RCBTB2: variants seen among roughly 807,000 people sequenced by gnomAD.
RCBTB2 encodes RCC1 and BTB domain-containing protein 2.
Under a neutral mutation model 65.4 loss-of-function variants are expected in RCBTB2, and 55 were observed. That is an observed-to-expected ratio of 0.84 (90% CI 0.68 to 1.05). The LOEUF is 1.05. RCBTB2 is among the 50% of genes least tolerant of loss of function. The probability of loss-of-function intolerance (pLI) is 0.00; values close to 1 mark genes in which losing one functional copy is unlikely to be tolerated. For missense variants in RCBTB2, 599 were observed against 680.1 expected (o/e 0.88, Z 1.33); for synonymous variants, 220 against 255.2 (o/e 0.86, Z 1.31).
At chr13:48,502,642 A>G (rs1016847774) in intron 11 of RCBTB2, 82 bp downstream of exon 11, 230 of 1,381,412 alleles carry the variant, frequency 1.7e-4, no homozygotes, top group Non-Finnish European at 2.2e-4. Flanking sequence ...TGCACCTAAC[A>G]AAATCCTCAT....
intron 1 of RCBTB2, among the ~76,000 whole-genome samples, chr13:48,529,136 A>G (rs1047249372): frequency 6.6e-6 from 1 of 152,200 alleles, no homozygotes; most frequent in Non-Finnish European, 1.5e-5. Flanking sequence ...AAAATAACCA[A>G]CATAAATGAT....
At chr13:48,498,003 T>C (rs1950053241) in intron 13 of RCBTB2, among the ~76,000 whole-genome samples, 1 of 152,248 alleles carries the variant, frequency 6.6e-6, no homozygotes, top group Admixed American at 6.5e-5. Flanking sequence ...GACCACACTT[T>C]GGGTACCTGG....
At chr13:48,531,530 G>A (rs1198727287) in intron 1 of RCBTB2, among the ~76,000 whole-genome samples, 1 of 152,192 alleles carries the variant, frequency 6.6e-6, no homozygotes, top group Non-Finnish European at 1.5e-5. Flanking sequence ...GCAGATTTGC[G>A]AAGAGTGGGA....
At chr13:48,507,344 C>T (rs1437872314) in intron 10 of RCBTB2, among the ~76,000 whole-genome samples, 1 of 152,226 alleles carries the variant, frequency 6.6e-6, no homozygotes, top group Admixed American at 6.5e-5. Context: ...TGGACTCACA[C>T]CAAGCAGCAA....
chr13:48,515,557 A>T, intron 5 of RCBTB2, 29 bp downstream of exon 5: 3 of 1,561,302 alleles, frequency 1.9e-6, no homozygotes, highest in African/African-American at 2.7e-5. Flanking sequence ...TAAAAATGTG[A>T]GTAGCTGATT....
Position 48,511,882 on chromosome 13 carries a change from G to A in RCBTB2, c.676-5C>T, listed in dbSNP as rs1164244360. The A allele has an allele frequency of 6.2e-7, 1 of 1,614,062 alleles. No individual in the cohort carries two copies. Among genetic ancestry groups the A allele is most frequent in the South Asian group, 1.1e-5 (1 of 91,066 alleles). On this transcript the variant is annotated splice_region_variant and splice_polypyrimidine_tract_variant and intron_variant, in intron 8 of 14. Transcript: ENST00000344532. The stretch of plus-strand genomic sequence containing the variant: ...GTTGTAACCCCAGACATAGACCTGA[G>A]AGAAAATGAGACCCTCAATCCTCTC...
At chr13:48,499,168 TCA>T (rs897430573) in intron 13 of RCBTB2, among the ~76,000 whole-genome samples, 33 of 138,002 alleles carry the variant, frequency 2.4e-4, no homozygotes, top group African/African-American at 7.5e-4. Flanking sequence ...TCTCTCTCTC[TCA>T]CACACACACA....
intron 10 of RCBTB2, 84 bp downstream of exon 10, chr13:48,510,544 TC>T: frequency 7.1e-7 from 1 of 1,406,200 alleles, no homozygotes; most frequent in South Asian, 1.3e-5. Flanking sequence ...AGCAGTACAT[TC>T]CCCACCATTC....
intron 2 of RCBTB2, 27 bp from the exon 3 acceptor site, chr13:48,522,430 G>A: frequency 2.0e-6 from 2 of 979,930 alleles, no homozygotes; most frequent in Non-Finnish European, 1.5e-6. Flanking sequence ...AGAAATGAAT[G>A]AAAATGATGA....
At chr13:48,499,142 A>ACACACACACTCT (rs1366425462) in intron 13 of RCBTB2, among the ~76,000 whole-genome samples, 2 of 132,290 alleles carry the variant, frequency 1.5e-5, no homozygotes, top group African/African-American at 5.9e-5. Context: ...ACACACACAC[A>ACACACACACTCT]CTCTCTCTCT....
intron 7 of RCBTB2, 107 bp downstream of exon 7, chr13:48,512,622 G>T: frequency 1.1e-6 from 1 of 943,574 alleles, no homozygotes; most frequent in Non-Finnish European, 1.6e-6. Flanking sequence ...GGCTGAATTT[G>T]AGGGAGGTGG....
At chr13:48,504,438 A>C in intron 10 of RCBTB2, 2 of 563,038 alleles carry the variant, frequency 3.6e-6, no homozygotes, top group Non-Finnish European at 4.5e-6. Flanking sequence ...GACTTCATAC[A>C]TGGTTGTTCA....
intron 14 of RCBTB2, among the ~76,000 whole-genome samples, chr13:48,492,872 C>CT (rs1172570707): frequency 6.6e-6 from 1 of 152,220 alleles, no homozygotes; most frequent in Non-Finnish European, 1.5e-5. Context: ...ACATTTCTCT[C>CT]TGACTTCCAG....
chr13:48,533,724 C>A (rs1952304999), upstream of RCBTB2, among the ~76,000 whole-genome samples: 1 of 152,254 alleles, frequency 6.6e-6, no homozygotes. Flanking sequence ...CACTGCACTT[C>A]TGTTGGCCTT....
chr13:48,517,463 T>C (rs958385957), intron 4 of RCBTB2, among the ~76,000 whole-genome samples: 1 of 152,174 alleles, frequency 6.6e-6, no homozygotes, highest in African/African-American at 2.4e-5. Flanking sequence ...ACCTGAGCCA[T>C]ATCATCAAAC....
upstream of RCBTB2, among the ~76,000 whole-genome samples, chr13:48,534,040 T>C (rs942721404): frequency 6.6e-6 from 1 of 152,238 alleles, no homozygotes; most frequent in Non-Finnish European, 1.5e-5. Context: ...TTCTAAAATG[T>C]ATAACTGCCT....
intron 1 of RCBTB2, among the ~76,000 whole-genome samples, chr13:48,527,347 T>TG (rs1377207596): frequency 8.1e-6 from 1 of 123,908 alleles, no homozygotes; most frequent in African/African-American, 5.1e-5. Flanking sequence ...GATATATATA[T>TG]ATATGATATA....
In RCBTB2 at chr13:48,489,883, A is replaced by C. The variant is rs946284772; in HGVS notation, c.*228T>G. ...GAGGAAATGGTAAATAAGATATTTC[A>C]ATTTTTTTTCCTTGACCTTAGTCAC... On this transcript the variant is annotated 3_prime_UTR_variant, in exon 15 of 15. Coordinates refer to ENST00000344532, the MANE Select transcript of RCBTB2 (RefSeq NM_001268.4). 1.8e-6 allele frequency: 1 copy of C among 549,180 alleles called. No individual in the cohort carries two copies. The highest frequency in any genetic ancestry group is 3.2e-6 in the Non-Finnish European group (1 of 312,900). The allele number at this position is 549,180 out of a possible 1,614,324, so 34.0% of individuals were successfully genotyped here.
intron 2 of RCBTB2, among the ~76,000 whole-genome samples, chr13:48,524,116 T>G (rs1188807385): frequency 6.6e-6 from 1 of 150,818 alleles, no homozygotes; most frequent in Non-Finnish European, 1.5e-5. Context: ...GGTTGGCTTT[T>G]TTTTTTACAT....
Sources: allele counts gnomAD v4.1 joint callset (sites outside exome capture counted in the v4.1 genomes callset), GRCh38; gene constraint gnomAD v4.1.1; transcripts MANE v1.5; gene names NCBI Gene and HGNC (gene_info 2026-07-23, HGNC 2026-07-21).